DBT: variants seen among roughly 807,000 people sequenced by gnomAD.
DBT encodes the protein lipoamide acyltransferase component of branched-chain alpha-keto acid dehydrogenase complex, mitochondrial.
Under a neutral mutation model 51.3 loss-of-function variants are expected in DBT, and 40 were observed. That is an observed-to-expected ratio of 0.78 (90% CI 0.61 to 1.02). The LOEUF is 1.02. Among genes scored for constraint, DBT ranks in the 50% least tolerant of loss-of-function variants. The pLI, the probability that DBT is intolerant of heterozygous loss-of-function variation, is 0.00. For synonymous variants in DBT, 181 were observed against 190.4 expected (o/e 0.95, Z 0.41); for missense variants, 510 against 580.2 (o/e 0.88, Z 1.24).
intron 10 of DBT, among the ~76,000 whole-genome samples, chr1:100,202,242 G>C (rs757904905): frequency 3.3e-5 from 5 of 151,574 alleles, no homozygotes; most frequent in Non-Finnish European, 7.4e-5. Flanking sequence ...CAAAAAAAAA[G>C]AAAAAGCAGG....
chr1:100,222,482 C>T (rs929771789), intron 4 of DBT, among the ~76,000 whole-genome samples: 1 of 152,178 alleles, frequency 6.6e-6, no homozygotes, highest in Non-Finnish European at 1.5e-5. Context: ...TGGTTAGGAG[C>T]ATGGGCTTTC....
chr1:100,242,178 T>C (rs1157228610), intron 1 of DBT, among the ~76,000 whole-genome samples: 1 of 152,164 alleles, frequency 6.6e-6, no homozygotes, highest in Non-Finnish European at 1.5e-5. Flanking sequence ...AGTGAAACTT[T>C]TTCATGTATG....
chr1:100,227,113 T>C (rs953287531), intron 4 of DBT, among the ~76,000 whole-genome samples: 3 of 152,232 alleles, frequency 2.0e-5, no homozygotes, highest in Admixed American at 1.3e-4. Context: ...TAGGTGACTG[T>C]AACACAATGG....
chr1:100,212,745 T>C (rs112709837), intron 7 of DBT, among the ~76,000 whole-genome samples: 3 of 152,238 alleles, frequency 2.0e-5, no homozygotes, highest in African/African-American at 7.2e-5. Context: ...AGTTTGGGAT[T>C]TGCAGGTGTT....
Position 100,217,315 on chromosome 1 carries a change from T to C in DBT, c.556-1116A>G, listed in dbSNP as rs116523758. ...ATAGATTTCAAAGCAAAATGTTAAATCATTATTTCATCTGATGCCCTTAAT... is the reference window on the plus strand; with the variant it reads ...ATAGATTTCAAAGCAAAATGTTAAACCATTATTTCATCTGATGCCCTTAAT... On this transcript the variant is annotated intron_variant, in intron 5 of 10. Transcript: ENST00000370132. Among the ~76,000 whole-genome samples the C allele has an allele frequency of 9.4e-3, 1,439 of 152,298 alleles. 25 individuals are homozygous for C. Among genetic ancestry groups the C allele is most frequent in the African/African-American group, 0.033 (1,388 of 41,582 alleles).
chr1:100,242,656 A>G (rs1164665351), intron 1 of DBT, among the ~76,000 whole-genome samples: 1 of 152,186 alleles, frequency 6.6e-6, no homozygotes, highest in Non-Finnish European at 1.5e-5. Flanking sequence ...AAACATTTCC[A>G]TTTTGTTTGT....
chr1:100,249,453 T>C, intron 1 of DBT: 1 of 502,124 alleles, frequency 2.0e-6, no homozygotes, highest in African/African-American at 1.9e-5. Context: ...AATATATCTC[T>C]GGATCCACAG....
chr1:100,201,853 G>A (rs1236103494), intron 10 of DBT, among the ~76,000 whole-genome samples: 2 of 152,154 alleles, frequency 1.3e-5, no homozygotes, highest in Non-Finnish European at 1.5e-5. Flanking sequence ...ACAAGCAAAT[G>A]CTGACAGATT....
chr1:100,249,135 G>T, intron 1 of DBT: 1 of 982,080 alleles, frequency 1.0e-6, no homozygotes, highest in Non-Finnish European at 1.2e-6. Flanking sequence ...GCAAATAGGG[G>T]TAACAAGTAT....
Position 100,191,793 on chromosome 1 carries a change from CACACACACACACACAG to C in DBT, c.*4446_*4461del, listed in dbSNP as rs1450903252. 1.5e-4 allele frequency: 12 copies of C among 82,532 alleles called. No individual in the cohort carries two copies. The highest frequency in any genetic ancestry group is 4.5e-4 in the South Asian group (1 of 2,224). 5.1% of individuals were successfully genotyped at this position (82,532 alleles called of 1,614,324 possible). A position where few individuals can be genotyped will look rare whatever the true frequency, so the allele number is the denominator to read the frequency against. On this transcript the variant is annotated 3_prime_UTR_variant, in exon 11 of 11. Coordinates refer to ENST00000370132, the MANE Select transcript of DBT (RefSeq NM_001918.5). ...ACACACACACACACACACACACACA[CACACACACACACACAG>C]AGTCTTGCTCTGTCGCCCAGGCTGG...
chr1:100,225,395 G>C (rs895416796), intron 4 of DBT, among the ~76,000 whole-genome samples: 7 of 151,930 alleles, frequency 4.6e-5, no homozygotes, highest in African/African-American at 1.7e-4. Flanking sequence ...TCATGTTATA[G>C]AGAATATTAA....
At chr1:100,213,888 T>G (rs2046051155) in intron 7 of DBT, among the ~76,000 whole-genome samples, 1 of 152,084 alleles carries the variant, frequency 6.6e-6, no homozygotes, top group African/African-American at 2.4e-5. Flanking sequence ...TGCTTTTATT[T>G]TTTGCAGTCT....
chr1:100,219,496 C>T (rs1662711708), intron 4 of DBT, among the ~76,000 whole-genome samples: 1 of 152,140 alleles, frequency 6.6e-6, no homozygotes, highest in Non-Finnish European at 1.5e-5. Context: ...TCCTAACACT[C>T]TAGCAGGCCA....
intron 10 of DBT, among the ~76,000 whole-genome samples, chr1:100,200,537 G>A (rs1169043655): frequency 1.3e-5 from 2 of 152,210 alleles, no homozygotes; most frequent in African/African-American, 2.4e-5. Context: ...GGATCTCCCA[G>A]CATAGCGCTT....
rs1302078228 is a variant in DBT, at chr1:100,187,645, T to C, written c.*8610A>G. The stretch of plus-strand genomic sequence containing the variant: ...TGGGCACAGGTGATCTCACTTCAGC[T>C]TCCCGAGTAGCTGGGACCACAGGCG... On this transcript the variant is annotated 3_prime_UTR_variant, in exon 11 of 11. Transcript: ENST00000370132. 6.6e-6 allele frequency: 1 copy of C among 151,812 alleles called. No individual in the cohort carries two copies. The highest frequency in any genetic ancestry group is 2.4e-5 in the African/African-American group (1 of 41,336). 9.4% of individuals were successfully genotyped at this position (151,812 alleles called of 1,614,324 possible).
intron 10 of DBT, among the ~76,000 whole-genome samples, chr1:100,203,575 A>G (rs1436136754): frequency 6.6e-6 from 1 of 152,240 alleles, no homozygotes; most frequent in East Asian, 1.9e-4. Flanking sequence ...ACAGAAAAAA[A>G]GGGAATCCTC....
At chr1:100,238,353 C>T (rs548472001) in intron 2 of DBT, among the ~76,000 whole-genome samples, 4 of 145,982 alleles carry the variant, frequency 2.7e-5, no homozygotes, top group South Asian at 2.3e-4. Context: ...CTTCCCTTCC[C>T]GTCCTGTCTC....
At chr1:100,219,819 G>A (rs987467540) in intron 4 of DBT, among the ~76,000 whole-genome samples, 1 of 152,092 alleles carries the variant, frequency 6.6e-6, no homozygotes, top group African/African-American at 2.4e-5. Flanking sequence ...GATATAGTAC[G>A]TAAAAGTTTG....
At chr1:100,246,952 AAG>A (rs1251403540) in intron 1 of DBT, among the ~76,000 whole-genome samples, 3 of 152,214 alleles carry the variant, frequency 2.0e-5, no homozygotes, top group Non-Finnish European at 4.4e-5. Flanking sequence ...GGAGTAAGGC[AAG>A]AGTCTTTAAA....
Sources: gnomAD v4.1 joint callset for allele counts (sites outside exome capture counted in the v4.1 genomes callset) on GRCh38, gnomAD v4.1.1 for gene constraint, MANE v1.5 for transcripts, NCBI Gene and HGNC (gene_info 2026-07-23, HGNC 2026-07-21) for gene names.